Variants in HEATR4 observed in about 807,000 individuals in gnomAD.
HEATR4 encodes the protein HEAT repeat containing 4, also known as HEAT repeat-containing protein 4.
HEATR4 carries 95 observed loss-of-function variants against 108.8 expected under a neutral mutation model. That is an observed-to-expected ratio of 0.87 (90% CI 0.74 to 1.04). The LOEUF is 1.04. Among genes scored for constraint, HEATR4 ranks in the 50% least tolerant of loss-of-function variants. The probability of loss-of-function intolerance (pLI) is 0.00; values close to 1 mark genes in which losing one functional copy is unlikely to be tolerated. For missense variants in HEATR4, 1,152 were observed against 1,253.8 expected (o/e 0.92, Z 1.23); for synonymous variants, 443 against 459.4 (o/e 0.96, Z 0.46).
chr14:73,528,112 A>C (rs1229160227), intron 2 of HEATR4, among the ~76,000 whole-genome samples: 2 of 150,876 alleles, frequency 1.3e-5, no homozygotes, highest in African/African-American at 4.9e-5. Context: ...ATTCTTAAGG[A>C]GGCTATGCGC....
Position 73,492,233 on chromosome 14 carries a change from C to A in HEATR4, c.2844+833G>T. On this transcript the variant is annotated intron_variant, in intron 17 of 17. Transcript: ENST00000553558. This position sits in a 1 kb window ranked among gnomAD's most constrained non-coding sequence, Gnocchi z 4.9. ...GTATTTTCCTCGGGGCTTCATTCAC[C>A]AAGCTGAATGCCAGGATGGAGTCCA... The A allele has an allele frequency of 7.4e-6, 12 of 1,614,036 alleles. No individual in the cohort carries two copies. Among genetic ancestry groups the A allele is most frequent in the Non-Finnish European group, 1.0e-5 (12 of 1,179,894 alleles).
At chr14:73,590,517 T>G in the HEATR4 span, among the ~76,000 whole-genome samples, 3 of 152,184 alleles carry the variant, frequency 2.0e-5, no homozygotes, top group African/African-American at 4.8e-5. Flanking sequence ...GACTGGGCGT[T>G]AGTGGAGCAG....
chr14:73,557,968 T>G lies in HEATR4; in HGVS notation c.-152+783A>C, dbSNP rs1290459231. On this transcript the variant is annotated intron_variant, in intron 1 of 17. Coordinates refer to ENST00000553558, the MANE Select transcript of HEATR4 (RefSeq NM_001220484.1). ...CCTTGGCCTCCAGAAATGCTGGGAC[T>G]ATGCCTGGAATAGATATGGGTAAAG... is the stretch of plus-strand genomic sequence containing the variant. Among the ~76,000 whole-genome samples, 2 of 84,632 alleles carry G rather than the reference T, an allele frequency of 2.4e-5. 1 individual carries two copies. Among genetic ancestry groups the G allele is most frequent in the Non-Finnish European group, 5.0e-5 (2 of 39,668 alleles). 55.5% of individuals were successfully genotyped at this position (84,632 alleles called of 152,430 possible). A position where few individuals can be genotyped will look rare whatever the true frequency, so the allele number is the denominator to read the frequency against.
chr14:73,487,924 G>A (rs1321327680), intron 17 of HEATR4, among the ~76,000 whole-genome samples: 2 of 152,192 alleles, frequency 1.3e-5, no homozygotes, highest in African/African-American at 4.8e-5. Flanking sequence ...ACAGCAAACA[G>A]TCTAGCTTGT....
Position 73,492,462 on chromosome 14 carries a change from G to GGGTCTT in HEATR4, c.2844+598_2844+603dup. On this transcript the variant is annotated intron_variant, in intron 17 of 17. Coordinates refer to ENST00000553558, the MANE Select transcript of HEATR4 (RefSeq NM_001220484.1). The surrounding 1 kb of genome is among the most constrained non-coding windows in gnomAD (Gnocchi z 4.9). ...AGAACCGCTTTCATGGAGAAGGTGC[G>GGGTCTT]GGTCTTGGTTGCCCGCCTGGGACAC... The GGGTCTT allele has an allele frequency of 6.2e-7, 1 of 1,613,746 alleles. No homozygotes were observed. Among genetic ancestry groups the GGGTCTT allele is most frequent in the Non-Finnish European group, 8.5e-7 (1 of 1,179,808 alleles).
the HEATR4 span, among the ~76,000 whole-genome samples, chr14:73,576,105 G>A: frequency 2.0e-5 from 3 of 151,740 alleles, no homozygotes; most frequent in African/African-American, 7.3e-5. Context: ...GTGAGAAGAG[G>A]TTGCAGTGAG....
At chr14:73,508,584 A>G (rs1189545582) in intron 8 of HEATR4, among the ~76,000 whole-genome samples, 1 of 151,982 alleles carries the variant, frequency 6.6e-6, no homozygotes, top group African/African-American at 2.4e-5. Flanking sequence ...CCCCATCTCT[A>G]CTAAAAATAC....
the HEATR4 span, chr14:73,595,241 G>C: frequency 1.2e-6 from 2 of 1,614,208 alleles, no homozygotes; most frequent in Non-Finnish European, 1.7e-6. Context: ...AATCAAGGTA[G>C]CTTTCTCAGG....
rs1465264432 is a variant in HEATR4, at chr14:73,542,697, C to A, written c.-151-12453G>T. On this transcript the variant is annotated intron_variant, in intron 1 of 17. Coordinates refer to ENST00000553558, the MANE Select transcript of HEATR4 (RefSeq NM_001220484.1). ...TTGGGATTACAGGCGTCAGCCACCA[C>A]GCCCGGCCATGAGATGACGTACTTG... Among the ~76,000 whole-genome samples the A allele has an allele frequency of 1.8e-5, 2 of 112,042 alleles. 1 individual carries two copies. Among genetic ancestry groups the A allele is most frequent in the African/African-American group, 6.0e-5 (2 of 33,082 alleles). The allele number at this position is 112,042 out of a possible 152,430, so 73.5% of individuals were successfully genotyped here.
the HEATR4 span, chr14:73,571,604 C>T: frequency 6.6e-6 from 1 of 151,044 alleles, no homozygotes; most frequent in Non-Finnish European, 1.5e-5. Context: ...ATGCAGCTCC[C>T]TGAGAAGGGG....
the HEATR4 span, among the ~76,000 whole-genome samples, chr14:73,604,920 A>G: frequency 6.6e-6 from 1 of 152,204 alleles, no homozygotes; most frequent in Non-Finnish European, 1.5e-5. Flanking sequence ...AGAGGGATCT[A>G]TCCACTTTTA....
rs528464161 is a variant in HEATR4, at chr14:73,479,167, G to A, written c.2845-325C>T. 3.3e-5 allele frequency among the ~76,000 whole-genome samples: 5 copies of A among 150,298 alleles called. No individual in the cohort carries two copies. In the East Asian group the frequency reaches 5.9e-4, roughly 18 times the overall value. Reference sequence around the variant, plus strand: ...GTCTCACACTCTCTCCCAGGCTGGAGTGCAGTGGCGCCATCTCGGCTCACT... The same window carrying A: ...GTCTCACACTCTCTCCCAGGCTGGAATGCAGTGGCGCCATCTCGGCTCACT... On this transcript the variant is annotated intron_variant, in intron 17 of 17. Coordinates refer to ENST00000553558, the MANE Select transcript of HEATR4 (RefSeq NM_001220484.1).
the HEATR4 span, among the ~76,000 whole-genome samples, chr14:73,606,987 G>C: frequency 6.6e-6 from 1 of 152,198 alleles, no homozygotes; most frequent in Non-Finnish European, 1.5e-5. Context: ...GTACCATCTT[G>C]TGGTTACAAC....
chr14:73,517,870 C>T (rs565459754), intron 5 of HEATR4, among the ~76,000 whole-genome samples: 9 of 152,036 alleles, frequency 5.9e-5, no homozygotes, highest in Middle Eastern at 3.4e-3. Context: ...GGACAGATCA[C>T]GAGGTCAAGA....
chr14:73,627,039 G>A, the HEATR4 span, among the ~76,000 whole-genome samples: 77 of 151,572 alleles, frequency 5.1e-4, no homozygotes, highest in Non-Finnish European at 8.7e-4. Context: ...TGATCCACCC[G>A]CCTCGGCCTC....
At chr14:73,515,091 A>C (rs1018399010) in intron 5 of HEATR4, among the ~76,000 whole-genome samples, 3 of 151,832 alleles carry the variant, frequency 2.0e-5, no homozygotes, top group African/African-American at 7.3e-5. Flanking sequence ...CAAAAAAAAA[A>C]CTATAGTTAT....
chr14:73,573,467 T>C, the HEATR4 span: 3 of 1,613,684 alleles, frequency 1.9e-6, no homozygotes, highest in Non-Finnish European at 2.5e-6. Context: ...GTCTGCTGGC[T>C]GGGAAGGGTT....
At position 73,547,637 on chromosome 14, in the gene HEATR4, C is replaced by T. The variant is rs757918386; in HGVS notation, c.-152+11114G>A. Among the ~76,000 whole-genome samples the T allele has an allele frequency of 9.9e-4, 115 of 115,938 alleles. 32 individuals are homozygous for T. Among genetic ancestry groups the T allele is most frequent in the Admixed American group, 1.7e-3 (17 of 10,294 alleles). The allele number at this position is 115,938 out of a possible 152,430, so 76.1% of individuals were successfully genotyped here. ...CAGTAGCTCACGCCTGTAATCCCATCACTTTGGGAGGCCAAGGTGGGTGGA... is the reference window on the plus strand; with the variant it reads ...CAGTAGCTCACGCCTGTAATCCCATTACTTTGGGAGGCCAAGGTGGGTGGA... On this transcript the variant is annotated intron_variant, in intron 1 of 17. Transcript: ENST00000553558.
chr14:73,529,977 T>C (rs981155023), intron 2 of HEATR4, among the ~76,000 whole-genome samples, 189 bp downstream of exon 2: 1 of 142,868 alleles, frequency 7.0e-6, no homozygotes, highest in Non-Finnish European at 1.5e-5. Context: ...TATTTATTTA[T>C]GTTTGAGACA....
Sources: allele counts gnomAD v4.1 joint callset (sites outside exome capture counted in the v4.1 genomes callset), GRCh38; gene constraint gnomAD v4.1.1; non-coding constraint Gnocchi (gnomAD v3.1); transcripts MANE v1.5; gene names NCBI Gene and HGNC (gene_info 2026-07-23, HGNC 2026-07-21).